ERC2: variants seen among roughly 807,000 people sequenced by gnomAD.
ERC2 encodes the protein ELKS/RAB6-interacting/CAST family member 2, also known as ERC protein 2.
Under a neutral mutation model 114.8 loss-of-function variants are expected in ERC2, and 42 were observed. That is an observed-to-expected ratio of 0.37 (90% confidence interval 0.29 to 0.47). The LOEUF (loss-of-function observed/expected upper bound fraction) is 0.47. ERC2 is among the 20% of genes least tolerant of loss of function. The pLI, the probability that ERC2 is intolerant of heterozygous loss-of-function variation, is 0.99. For missense variants in ERC2, 939 were observed against 1,150.7 expected (o/e 0.82, Z 2.66); for synonymous variants, 454 against 425.5 (o/e 1.07, Z -0.82).
At position 56,185,928 on chromosome 3, in the gene ERC2, T is replaced by A. The variant is rs140736046; in HGVS notation, c.1075-12408A>T. Among the ~76,000 whole-genome samples the A allele has an allele frequency of 2.0e-5, 3 of 151,798 alleles. No individual in the cohort carries two copies. The East Asian group carries it at 5.8e-4, about 29-fold the overall frequency. On this transcript the variant is annotated intron_variant, in intron 3 of 17. Transcript: ENST00000288221. ...TTCTCAGTGTGAGAAGGATTTGATG[T>A]GTCATTGCTGATTCTGAGATGTAGG...
At chr3:55,793,668 CA>C (rs775014857) in intron 14 of ERC2, among the ~76,000 whole-genome samples, 6 of 152,042 alleles carry the variant, frequency 3.9e-5, no homozygotes, top group Non-Finnish European at 8.8e-5. Context: ...CTAGATAAAG[CA>C]GAAATAATTT....
intron 6 of ERC2, among the ~76,000 whole-genome samples, chr3:56,105,609 T>C (rs1248943793): frequency 6.6e-6 from 1 of 152,170 alleles, no homozygotes. Context: ...AGCCATCATG[T>C]CCAGCCCCAC....
At chr3:55,977,131 C>A (rs1036738724) in intron 12 of ERC2, among the ~76,000 whole-genome samples, 1 of 152,168 alleles carries the variant, frequency 6.6e-6, no homozygotes, top group African/African-American at 2.4e-5. Context: ...AGAAGCTCCC[C>A]AGTTTATATT....
At chr3:55,679,870 G>A (rs1360137006) in intron 17 of ERC2, among the ~76,000 whole-genome samples, 1 of 152,086 alleles carries the variant, frequency 6.6e-6, no homozygotes, top group Non-Finnish European at 1.5e-5. Context: ...CTAGTTCCAG[G>A]ACAAGCACAG....
chr3:55,999,260 G>A (rs2071843897), intron 10 of ERC2, among the ~76,000 whole-genome samples: 1 of 152,130 alleles, frequency 6.6e-6, no homozygotes, highest in Non-Finnish European at 1.5e-5. Flanking sequence ...TGATAGTTAA[G>A]CTGCAGAAAG....
chr3:56,328,289 G>T (rs1312157596), intron 2 of ERC2, among the ~76,000 whole-genome samples: 6 of 152,108 alleles, frequency 3.9e-5, no homozygotes, highest in Non-Finnish European at 8.8e-5. Context: ...TACCCTGGAT[G>T]TACAACTCCA....
At chr3:56,436,549 C>T (rs1337317966) in intron 1 of ERC2, among the ~76,000 whole-genome samples, 1 of 152,116 alleles carries the variant, frequency 6.6e-6, no homozygotes. Flanking sequence ...TTCCCAACCC[C>T]CTACTCACAG....
At chr3:55,872,150 A>G (rs1559795294) in intron 14 of ERC2, among the ~76,000 whole-genome samples, 1 of 152,160 alleles carries the variant, frequency 6.6e-6, no homozygotes, top group African/African-American at 2.4e-5. Context: ...AAAAATTAAC[A>G]GTAATTTACC....
At position 56,424,146 on chromosome 3, in the gene ERC2, G is replaced by A. The variant is rs570883138; in HGVS notation, c.657+10205C>T. 5.3e-4 allele frequency among the ~76,000 whole-genome samples: 80 copies of A among 152,308 alleles called. 1 individual carries two copies. The South Asian group carries it at 0.016, about 31-fold the overall frequency. ...AGGATGCTGTCGATAGCGAACAACA[G>A]TGAATATTTTGGGGGTGAATGTTTT... On this transcript the variant is annotated intron_variant, in intron 2 of 17. Coordinates refer to ENST00000288221, the MANE Select transcript of ERC2 (RefSeq NM_015576.3).
intron 17 of ERC2, among the ~76,000 whole-genome samples, chr3:55,666,766 G>A (rs1266014354): frequency 6.6e-6 from 1 of 152,134 alleles, no homozygotes; most frequent in Admixed American, 6.6e-5. Context: ...TGCTGAAGCT[G>A]AGAAATCCTG....
At chr3:55,987,096 C>G (rs886148718) in intron 11 of ERC2, among the ~76,000 whole-genome samples, 1 of 152,148 alleles carries the variant, frequency 6.6e-6, no homozygotes, top group African/African-American at 2.4e-5. Context: ...AATGATACAA[C>G]TGAAAGAGAA....
intron 2 of ERC2, among the ~76,000 whole-genome samples, chr3:56,430,077 T>TGTAGCAG (rs951230817): frequency 1.2e-4 from 19 of 152,368 alleles, no homozygotes; most frequent in African/African-American, 4.3e-4. Context: ...ACCTCTACCC[T>TGTAGCAG]GTAATGGACC....
intron 13 of ERC2, among the ~76,000 whole-genome samples, chr3:55,917,330 C>T (rs1183013814): frequency 1.3e-5 from 2 of 152,070 alleles, no homozygotes; most frequent in African/African-American, 4.8e-5. Context: ...AAAGCAGAAA[C>T]AACCCAAATG....
At chr3:55,680,214 C>A (rs574282926) in intron 17 of ERC2, among the ~76,000 whole-genome samples, 1 of 152,268 alleles carries the variant, frequency 6.6e-6, no homozygotes, top group South Asian at 2.1e-4. Context: ...GAATCGGGTC[C>A]TAAAAATTTG....
intron 2 of ERC2, among the ~76,000 whole-genome samples, chr3:56,419,555 C>G (rs1345761147): frequency 1.3e-5 from 2 of 152,158 alleles, no homozygotes; most frequent in Non-Finnish European, 2.9e-5. Context: ...ATGTACATAC[C>G]CTTTATCACC....
intron 1 of ERC2, among the ~76,000 whole-genome samples, chr3:56,467,523 G>A (rs1463907425): frequency 6.6e-6 from 1 of 152,070 alleles, no homozygotes; most frequent in Non-Finnish European, 1.5e-5. Context: ...AATCTTCACT[G>A]TCCTAAGACG....
At chr3:56,465,681 G>T (rs569483355) in intron 1 of ERC2, among the ~76,000 whole-genome samples, 32 of 152,242 alleles carry the variant, frequency 2.1e-4, no homozygotes, top group African/African-American at 7.7e-4. Flanking sequence ...ATTAAGTTTG[G>T]AACCAAATTT....
chr3:56,159,615 A>T (rs957381792), intron 4 of ERC2, among the ~76,000 whole-genome samples: 2 of 152,212 alleles, frequency 1.3e-5, no homozygotes, highest in Non-Finnish European at 2.9e-5. Context: ...TAACCCAGGC[A>T]TTAAGCATAG....
intron 3 of ERC2, among the ~76,000 whole-genome samples, chr3:56,199,788 T>C (rs1384806023): frequency 1.3e-5 from 2 of 152,098 alleles, no homozygotes; most frequent in Non-Finnish European, 2.9e-5. Flanking sequence ...GGATTGCAGA[T>C]GTGAGCCACT....
Sources: gnomAD v4.1 joint callset for allele counts (sites outside exome capture counted in the v4.1 genomes callset) on GRCh38, gnomAD v4.1.1 for gene constraint, MANE v1.5 for transcripts, NCBI Gene and HGNC (gene_info 2026-07-23, HGNC 2026-07-21) for gene names.